Variants in ITPRID2 observed in about 807,000 individuals in gnomAD.
ITPRID2 encodes protein ITPRID2.
ITPRID2 carries 60 observed loss-of-function variants against 124.3 expected under a neutral mutation model. That is an observed-to-expected ratio of 0.48 (90% CI 0.39 to 0.60). ITPRID2 has a LOEUF of 0.60. ITPRID2 is among the 20% of genes least tolerant of loss of function. The pLI is 0.00. For synonymous variants in ITPRID2, 521 were observed against 542.9 expected (o/e 0.96, Z 0.56); for missense variants, 1,553 against 1,512.2 (o/e 1.03, Z -0.45).
chr2:181,902,257 CATG>C lies in ITPRID2; in HGVS notation c.1206_1208del (p.His402_Glu403delinsGln). The C allele has an allele frequency of 5.0e-6, 8 of 1,613,182 alleles. No individual in the cohort carries two copies. The highest frequency in any genetic ancestry group is 5.9e-6 in the Non-Finnish European group (7 of 1,179,524). On this transcript the variant is annotated inframe_deletion, in exon 8 of 18. Coordinates refer to ENST00000431877, the MANE Select transcript of ITPRID2 (RefSeq NM_001130445.3). The surrounding 1 kb of genome is among the most constrained non-coding windows in gnomAD (Gnocchi z 4.4). ...TGAACAAAGTAAAGAAACTCAAAGT[CATG>C]AGAGTAAACTGGGTGAGGAATCTGG...
chr2:181,918,376 T>G (rs1236862017), intron 11 of ITPRID2: 23 of 1,305,466 alleles, frequency 1.8e-5, no homozygotes, highest in East Asian at 2.9e-5. Context: ...TTCCTTCGCC[T>G]CCTCCTCCCA....
In ITPRID2 at chr2:181,907,461, T is replaced by C. The variant is rs909615455; in HGVS notation, c.1414-2438T>C. Among the ~76,000 whole-genome samples the C allele has an allele frequency of 2.1e-5, 3 of 142,084 alleles. No homozygotes were observed. Among genetic ancestry groups the C allele is most frequent in the East Asian group, 2.1e-4 (1 of 4,820 alleles). 93.2% of individuals were successfully genotyped at this position (142,084 alleles called of 152,430 possible). On this transcript the variant is annotated intron_variant, in intron 8 of 17. Coordinates refer to ENST00000431877, the MANE Select transcript of ITPRID2 (RefSeq NM_001130445.3). This position sits in a 1 kb window ranked among gnomAD's most constrained non-coding sequence, Gnocchi z 5.1. Reference sequence around the variant, plus strand: ...TGGTTTAGTGGTTTTTTTTTTTTTTTATATTATGAAACAGTTTTGTTATGA... The same window carrying C: ...TGGTTTAGTGGTTTTTTTTTTTTTTCATATTATGAAACAGTTTTGTTATGA...
At position 181,922,248 on chromosome 2, in the gene ITPRID2, G is replaced by C; in HGVS notation, c.3511G>C (p.Asp1171His). The C allele has an allele frequency of 6.2e-7, 1 of 1,614,236 alleles. No individual in the cohort carries two copies. The highest frequency in any genetic ancestry group is 8.5e-7 in the Non-Finnish European group (1 of 1,180,046). ...SRTGSVQTPP[D>H]LESSEEVDAA... ...AACAGGCTCTGTGCAGACACCTCCA[G>C]ATTTGGAAAGTTCTGAGGAAGTTGA... is the stretch of plus-strand genomic sequence containing the variant. Residue 1171 changes from aspartate (D) to histidine (H), a missense_variant, in exon 16 of 18, where the codon GAT becomes CAT. By Grantham distance (81) the Asp-to-His change is moderately conservative. Transcript: ENST00000431877.
chr2:181,911,680 G>A (rs2125089366), intron 9 of ITPRID2, among the ~76,000 whole-genome samples: 1 of 152,188 alleles, frequency 6.6e-6, no homozygotes, highest in South Asian at 2.1e-4. Flanking sequence ...TTTTTCTGTT[G>A]AGAACTGTGT....
chr2:181,926,714 A>C (rs1694895526), intron 16 of ITPRID2, among the ~76,000 whole-genome samples: 1 of 137,944 alleles, frequency 7.2e-6, no homozygotes, highest in Admixed American at 8.9e-5. Context: ...ATCCATCTCA[A>C]AAAAAAAAAA....
intron 9 of ITPRID2, among the ~76,000 whole-genome samples, chr2:181,912,140 T>C (rs1401076205): frequency 6.6e-6 from 1 of 152,258 alleles, no homozygotes; most frequent in African/African-American, 2.4e-5. Flanking sequence ...AATGACTGCA[T>C]TATTCTTTTG....
chr2:181,892,442 A>T lies in ITPRID2; in HGVS notation c.211+165A>T. ...CGCGCGCGCTGAACGAGGCGCCCCCAGCGTCAACACAGACAACTGGGTGCC... is the reference window on the plus strand; with the variant it reads ...CGCGCGCGCTGAACGAGGCGCCCCCTGCGTCAACACAGACAACTGGGTGCC... On this transcript the variant is annotated intron_variant, in intron 1 of 17. Transcript: ENST00000431877. This position sits in a 1 kb window ranked among gnomAD's most constrained non-coding sequence, Gnocchi z 5.2. 1 of 1,119,540 alleles carries T rather than the reference A, an allele frequency of 8.9e-7. No individual in the cohort carries two copies. The highest frequency in any genetic ancestry group is 1.5e-5 in the South Asian group (1 of 66,982). 69.4% of individuals were successfully genotyped at this position (1,119,540 alleles called of 1,614,324 possible).
At position 181,901,903 on chromosome 2, in the gene ITPRID2, C is replaced by G. The variant is rs1426028706; in HGVS notation, c.850C>G (p.Pro284Ala). 1.2e-6 allele frequency: 2 copies of G among 1,613,884 alleles called. No individual in the cohort carries two copies. Among genetic ancestry groups the G allele is most frequent in the East Asian group, 4.5e-5 (2 of 44,860 alleles). Residue 284 changes from proline (P) to alanine (A), a missense_variant, in exon 8 of 18, where the codon CCA becomes GCA. Pro to Ala is a conservative substitution (Grantham distance 27, BLOSUM62 -1). Coordinates refer to ENST00000431877, the MANE Select transcript of ITPRID2 (RefSeq NM_001130445.3). ...CTCTAACAAGGAGACAGACCCACCT[C>G]CACCTTTAACTCGAAGTAACACTGC... The part of the protein sequence containing the change: ...VTSNKETDPP[P>A]PLTRSNTANR...
chr2:181,929,394 A>G (rs938126263), intron 17 of ITPRID2, among the ~76,000 whole-genome samples, 167 bp from the exon 18 acceptor site: 29 of 152,100 alleles, frequency 1.9e-4, no homozygotes, highest in African/African-American at 7.0e-4. Context: ...TATTTTTTTT[A>G]AAGCCAGGGA....
Position 181,916,438 on chromosome 2 carries a change from A to G in ITPRID2, c.2787+11A>G. On this transcript the variant is annotated intron_variant, in intron 11 of 17. Coordinates refer to ENST00000431877, the MANE Select transcript of ITPRID2 (RefSeq NM_001130445.3). Reference sequence around the variant, plus strand: ...CAGAATCTTTCACAGGTATGAGAAAAAGTATGTTATCATTAGCTTTTTTCT... The same window carrying G: ...CAGAATCTTTCACAGGTATGAGAAAGAGTATGTTATCATTAGCTTTTTTCT... 8 of 1,606,834 alleles carry G rather than the reference A, an allele frequency of 5.0e-6. No homozygotes were observed. Among genetic ancestry groups the G allele is most frequent in the Non-Finnish European group, 6.8e-6 (8 of 1,175,984 alleles).
chr2:181,904,204 G>A (rs757227644), intron 8 of ITPRID2, among the ~76,000 whole-genome samples: 14 of 152,110 alleles, frequency 9.2e-5, no homozygotes, highest in Non-Finnish European at 1.9e-4. Context: ...AACCTTTAAT[G>A]ATAGTCTGGG....
intron 7 of ITPRID2, 103 bp from the exon 8 acceptor site, chr2:181,901,663 T>A: frequency 1.2e-6 from 1 of 823,544 alleles, no homozygotes; most frequent in East Asian, 3.1e-5. Context: ...ATCTTTGTGA[T>A]CTAAGTGTAG....
chr2:181,897,015 AAAATG>A, intron 4 of ITPRID2, 51 bp downstream of exon 4: 1 of 1,499,254 alleles, frequency 6.7e-7, no homozygotes, highest in Non-Finnish European at 9.3e-7. Context: ...AAATTTAAAA[AAAATG>A]AGAAAGCTGA....
At chr2:181,923,761 G>C (rs1464686126) in intron 16 of ITPRID2, among the ~76,000 whole-genome samples, 2 of 150,804 alleles carry the variant, frequency 1.3e-5, no homozygotes, top group Non-Finnish European at 3.0e-5. Flanking sequence ...ACTTTATATT[G>C]CTCTTTTAAA....
In ITPRID2 at chr2:181,910,624, C is replaced by G; in HGVS notation, c.1486+653C>G. The G allele has an allele frequency of 1.4e-6, 1 of 704,070 alleles. No individual in the cohort carries two copies. The highest frequency in any genetic ancestry group is 1.5e-5 in the South Asian group (1 of 64,540). 43.6% of individuals were successfully genotyped at this position (704,070 alleles called of 1,614,324 possible). ...AAAGAGGAAGAAGTGAAAATGACCA[C>G]TGAAGGTAGGACTGTTTATTTTTGA... On this transcript the variant is annotated intron_variant, in intron 9 of 17. Transcript: ENST00000431877. This position sits in a 1 kb window ranked among gnomAD's most constrained non-coding sequence, Gnocchi z 4.1.
rs1265469850 is a variant in ITPRID2 at position 181,892,054 on chromosome 2, C to G, written c.-13C>G. On this transcript the variant is annotated 5_prime_UTR_variant, in exon 1 of 18. Transcript: ENST00000431877. This position sits in a 1 kb window ranked among gnomAD's most constrained non-coding sequence, Gnocchi z 5.2. ...CAGGGTCCGGCTGGGGTAGCGGAGCCCCCAGTGCGGCCATGGACCGGCCCC... is the reference window on the plus strand; with the variant it reads ...CAGGGTCCGGCTGGGGTAGCGGAGCGCCCAGTGCGGCCATGGACCGGCCCC... The G allele has an allele frequency of 6.5e-7, 1 of 1,548,166 alleles. No individual in the cohort carries two copies. Among genetic ancestry groups the G allele is most frequent in the East Asian group, 2.4e-5 (1 of 40,930 alleles).
intron 11 of ITPRID2, chr2:181,918,327 G>A (rs1024490469): frequency 1.5e-5 from 17 of 1,167,350 alleles, no homozygotes; most frequent in Middle Eastern, 3.5e-4. Flanking sequence ...TTTTAGTTTC[G>A]CAAGAGGGAA....
At chr2:181,924,505 G>A (rs1694707438) in intron 16 of ITPRID2, among the ~76,000 whole-genome samples, 1 of 152,096 alleles carries the variant, frequency 6.6e-6, no homozygotes, top group Non-Finnish European at 1.5e-5. Flanking sequence ...CATTAACAAA[G>A]CCACCATTCA....
chr2:181,916,734 A>G (rs1694086444), intron 11 of ITPRID2: 2 of 795,816 alleles, frequency 2.5e-6, no homozygotes, highest in South Asian at 1.0e-4. Flanking sequence ...GTTTTAGTCT[A>G]GAATCTTTTG....
Sources: gnomAD v4.1 joint callset for allele counts (sites outside exome capture counted in the v4.1 genomes callset) on GRCh38, gnomAD v4.1.1 for gene constraint, Gnocchi (gnomAD v3.1) non-coding constraint, MANE v1.5 for transcripts, NCBI Gene and HGNC (gene_info 2026-07-23, HGNC 2026-07-21) for gene names.